NR2F1-AS1: variants seen among roughly 807,000 people sequenced by gnomAD.
NR2F1-AS1 encodes NR2F1 antisense RNA 1.
At chr5:93,571,616 CTTG>C (rs1430102776) in intron 1 of NR2F1-AS1, among the ~76,000 whole-genome samples, 1 of 151,920 alleles carries the variant, frequency 6.6e-6, no homozygotes, top group African/African-American at 2.4e-5. Flanking sequence ...CTCTTTCATC[CTTG>C]TTATGTGAGC....
At chr5:93,418,492 C>G (rs1463038932) in intron 4 of NR2F1-AS1, among the ~76,000 whole-genome samples, 1 of 152,030 alleles carries the variant, frequency 6.6e-6, no homozygotes, top group African/African-American at 2.4e-5. Flanking sequence ...GAGGCTGAGG[C>G]AGAGAATCGC....
At chr5:93,453,602 A>C (rs1038186649) in intron 4 of NR2F1-AS1, among the ~76,000 whole-genome samples, 1 of 152,170 alleles carries the variant, frequency 6.6e-6, no homozygotes, top group Non-Finnish European at 1.5e-5. Context: ...GCCAGAGAGC[A>C]GGAAAAAAAG....
intron 4 of NR2F1-AS1, among the ~76,000 whole-genome samples, chr5:93,550,113 A>AT (rs1311158117): frequency 6.6e-5 from 10 of 151,138 alleles, no homozygotes; most frequent in African/African-American, 1.2e-4. Context: ...TTAAAGTATA[A>AT]TTAAAAAAAA....
chr5:93,576,904 C>G (rs1003618398), intron 1 of NR2F1-AS1, among the ~76,000 whole-genome samples: 1 of 152,158 alleles, frequency 6.6e-6, no homozygotes, highest in Non-Finnish European at 1.5e-5. Flanking sequence ...GAAAGAATAG[C>G]CATGCGGTTT....
At chr5:93,470,592 A>G (rs943242298) in intron 4 of NR2F1-AS1, among the ~76,000 whole-genome samples, 7 of 151,654 alleles carry the variant, frequency 4.6e-5, no homozygotes, top group Admixed American at 4.6e-4. Flanking sequence ...CACCTTTAAA[A>G]CGGTATTTAT....
At chr5:93,502,912 A>G (rs1008206634) in intron 4 of NR2F1-AS1, among the ~76,000 whole-genome samples, 1 of 152,208 alleles carries the variant, frequency 6.6e-6, no homozygotes, top group Non-Finnish European at 1.5e-5. Context: ...TTTATCTAAG[A>G]AAACAATACA....
chr5:93,427,636 G>A (rs1242403334), intron 4 of NR2F1-AS1, among the ~76,000 whole-genome samples: 1 of 152,086 alleles, frequency 6.6e-6, no homozygotes, highest in Non-Finnish European at 1.5e-5. Context: ...TGGCTGACAA[G>A]GAAATGTATA....
intron 4 of NR2F1-AS1, among the ~76,000 whole-genome samples, chr5:93,417,753 T>A (rs1748998004): frequency 6.6e-6 from 1 of 152,222 alleles, no homozygotes. Flanking sequence ...GATGCAGATA[T>A]GCTTCTAGGT....
At chr5:93,441,923 T>C (rs1046071295) in intron 4 of NR2F1-AS1, among the ~76,000 whole-genome samples, 1 of 152,212 alleles carries the variant, frequency 6.6e-6, no homozygotes, top group Non-Finnish European at 1.5e-5. Flanking sequence ...TAAAGTTTCA[T>C]TGGAATACAG....
At chr5:93,460,191 T>C (rs1750058282) in intron 4 of NR2F1-AS1, among the ~76,000 whole-genome samples, 1 of 152,158 alleles carries the variant, frequency 6.6e-6, no homozygotes, top group African/African-American at 2.4e-5. Context: ...ATAGACATTA[T>C]TCTTGCAAGA....
intron 4 of NR2F1-AS1, among the ~76,000 whole-genome samples, chr5:93,494,149 A>G (rs1014713758): frequency 5.3e-5 from 8 of 152,208 alleles, no homozygotes; most frequent in Non-Finnish European, 8.8e-5. Context: ...TTACAACTCA[A>G]CAACAAACAG....
At chr5:93,462,886 G>A (rs1360498244) in intron 4 of NR2F1-AS1, among the ~76,000 whole-genome samples, 1 of 152,142 alleles carries the variant, frequency 6.6e-6, no homozygotes, top group Non-Finnish European at 1.5e-5. Context: ...GGTGACTTCG[G>A]TGCTGTTAAA....
chr5:93,567,021 T>C (rs1433414262), intron 1 of NR2F1-AS1, among the ~76,000 whole-genome samples: 1 of 152,098 alleles, frequency 6.6e-6, no homozygotes, highest in Non-Finnish European at 1.5e-5. Flanking sequence ...GGGCATATAC[T>C]ACTTTTATCA....
chr5:93,522,043 T>C (rs1580299396), intron 4 of NR2F1-AS1, among the ~76,000 whole-genome samples: 1 of 152,134 alleles, frequency 6.6e-6, no homozygotes, highest in Non-Finnish European at 1.5e-5. Flanking sequence ...AAGAATAAGA[T>C]CATATCTTTC....
At chr5:93,543,890 G>C (rs1041247192) in intron 4 of NR2F1-AS1, 1 of 152,184 alleles carries the variant, frequency 6.6e-6, no homozygotes, top group Non-Finnish European at 1.5e-5. Flanking sequence ...ATTCAGCATT[G>C]AGAAGTTGTT....
At chr5:93,582,951 G>GT, upstream of NR2F1-AS1, among the ~76,000 whole-genome samples, 1 of 152,124 alleles carries the variant, frequency 6.6e-6, no homozygotes, top group African/African-American at 2.4e-5. Context: ...AGCTAAGCGG[G>GT]GGGGGGAGAA....
rs537229454 is a variant in NR2F1-AS1, at chr5:93,497,092, CT to C, written n.638+56668del. Among the ~76,000 whole-genome samples the C allele has an allele frequency of 3.5e-4, 52 of 148,310 alleles. No homozygotes were observed. The East Asian group carries it at 3.7e-3, about 11-fold the overall frequency. On this transcript the variant is annotated intron_variant and non_coding_transcript_variant, in intron 4 of 5. Transcript: ENST00000660523. ...TTTTTGTAATACATTCAGTAAAGGC[CT>C]TTTTTTTTTCAGTTAATTCCTCCAT...
chr5:93,585,558 G>A (rs1341779106), upstream of NR2F1-AS1: 2 of 1,313,038 alleles, frequency 1.5e-6, no homozygotes, highest in Non-Finnish European at 2.1e-6. Context: ...TTTCTCGCCC[G>A]GGTGGTTGCT....
chr5:93,502,304 A>T (rs1751097580), intron 4 of NR2F1-AS1, among the ~76,000 whole-genome samples: 1 of 152,206 alleles, frequency 6.6e-6, no homozygotes, highest in Non-Finnish European at 1.5e-5. Flanking sequence ...GCAACATGAC[A>T]GTGAACTGCG....
Sources: gnomAD v4.1 joint callset for allele counts (sites outside exome capture counted in the v4.1 genomes callset) on GRCh38, gnomAD v4.1.1 for gene constraint, MANE v1.5 for transcripts, NCBI Gene and HGNC (gene_info 2026-07-23, HGNC 2026-07-21) for gene names.